Variants in KALRN observed in about 807,000 individuals in gnomAD.
The protein encoded by KALRN is kalirin.
Under a neutral mutation model 353.7 loss-of-function variants are expected in KALRN, and 70 were observed. That is an observed-to-expected ratio of 0.20 (90% CI 0.16 to 0.24). The LOEUF is 0.24. Ranked by LOEUF, KALRN falls within the 10% of genes least tolerant of loss-of-function variation. KALRN has a pLI of 1.00. For synonymous variants in KALRN, 1,391 were observed against 1,434.8 expected (o/e 0.97, Z 0.69); for missense variants, 2,791 against 3,756.7 (o/e 0.74, Z 6.72).
chr3:124,055,070 G>A (rs1170160629), intron 1 of KALRN, among the ~76,000 whole-genome samples: 1 of 152,182 alleles, frequency 6.6e-6, no homozygotes, highest in Non-Finnish European at 1.5e-5. Flanking sequence ...TCCGTGTCTG[G>A]TGTAACAGTT....
At position 124,119,581 on chromosome 3, in the gene KALRN, T is replaced by C. The variant is rs531825331; in HGVS notation, c.73+85768T>C. On this transcript the variant is annotated intron_variant, in intron 1 of 59. Transcript: ENST00000682506. ...CAGCTTCCTCAGGATCTGTCTCAGATCGCAAGGATGGGGGAGGAGGCAGGA... is the reference window on the plus strand; with the variant it reads ...CAGCTTCCTCAGGATCTGTCTCAGACCGCAAGGATGGGGGAGGAGGCAGGA... 1.1e-4 allele frequency among the ~76,000 whole-genome samples: 16 copies of C among 152,276 alleles called. No individual in the cohort carries two copies. In the South Asian group the frequency reaches 3.3e-3, roughly 32 times the overall value.
chr3:124,576,791 A>T (rs894472658), intron 34 of KALRN, among the ~76,000 whole-genome samples: 39 of 152,220 alleles, frequency 2.6e-4, no homozygotes, highest in African/African-American at 8.4e-4. Flanking sequence ...GCGTTGGCAG[A>T]ATTAAAATGC....
At chr3:124,346,236 G>A (rs2082247863) in intron 9 of KALRN, among the ~76,000 whole-genome samples, 1 of 152,116 alleles carries the variant, frequency 6.6e-6, no homozygotes, top group Admixed American at 6.5e-5. Context: ...TGCAAAATGG[G>A]TATTAAAGGC....
intron 27 of KALRN, among the ~76,000 whole-genome samples, chr3:124,481,820 A>G (rs2108227095): frequency 1.3e-5 from 2 of 152,264 alleles, no homozygotes; most frequent in South Asian, 4.1e-4. Context: ...TTGAGGCCTT[A>G]TCTCTACTAA....
At chr3:124,587,876 G>T (rs2075370326) in intron 34 of KALRN, among the ~76,000 whole-genome samples, 1 of 144,178 alleles carries the variant, frequency 6.9e-6, no homozygotes, top group Admixed American at 7.1e-5. Context: ...TTTATTTTTT[G>T]TAGAGACAAG....
chr3:124,423,657 C>G (rs2092886154), intron 15 of KALRN, among the ~76,000 whole-genome samples: 1 of 152,162 alleles, frequency 6.6e-6, no homozygotes, highest in Non-Finnish European at 1.5e-5. Context: ...AAGAGAGTCA[C>G]TTGAGGCCAG....
chr3:124,290,834 T>C (rs981161), intron 5 of KALRN, among the ~76,000 whole-genome samples: 10,503 of 152,232 alleles, frequency 0.069, 1,043 homozygotes, highest in East Asian at 0.47. Flanking sequence ...TCGTCATAAC[T>C]GTCATCATCA....
Position 124,488,217 on chromosome 3 carries a change from G to A in KALRN, c.4298G>A (p.Cys1433Tyr). Residue 1433 changes from cysteine (C) to tyrosine (Y), a missense_variant, in exon 29 of 60, where the codon TGC (cysteine) becomes TAC (tyrosine). By Grantham distance (194) the Cys-to-Tyr change is radical. This residue lies in a region of KALRN where 54 missense variants were observed against 131.7 expected (regional missense o/e 0.41). Coordinates refer to ENST00000682506, the MANE Select transcript of KALRN (RefSeq NM_001388419.1). ...YQLLLKELLT[C>Y]CEEGKGELKD... ...TTTTTTCCCCAGGAACTTTTAACTT[G>A]CTGTGAAGAAGGGAAAGGGGAGCTC... 1 of 1,612,630 alleles carries A rather than the reference G, an allele frequency of 6.2e-7. No individual in the cohort carries two copies. The highest frequency in any genetic ancestry group is 8.5e-7 in the Non-Finnish European group (1 of 1,179,088).
chr3:124,328,319 C>T (rs1414369146), intron 7 of KALRN, among the ~76,000 whole-genome samples: 2 of 152,172 alleles, frequency 1.3e-5, no homozygotes, highest in Non-Finnish European at 2.9e-5. Flanking sequence ...CACTTACATA[C>T]TTTATTCAAG....
At chr3:124,686,951 G>A (rs2061592759) in intron 51 of KALRN, among the ~76,000 whole-genome samples, 1 of 151,564 alleles carries the variant, frequency 6.6e-6, no homozygotes, top group South Asian at 2.1e-4. Flanking sequence ...GAATATCTGG[G>A]ACTACAGGCA....
intron 34 of KALRN, among the ~76,000 whole-genome samples, chr3:124,591,790 TA>T (rs2075802041): frequency 6.6e-6 from 1 of 152,218 alleles, no homozygotes; most frequent in Non-Finnish European, 1.5e-5. Context: ...GGTAACACTG[TA>T]AATGTAAGTT....
intron 5 of KALRN, among the ~76,000 whole-genome samples, chr3:124,274,760 A>AT (rs145853270): frequency 0.012 from 1,770 of 150,030 alleles, 32 homozygotes; most frequent in African/African-American, 0.039. Flanking sequence ...AGAATCTCTC[A>AT]TTTTTTTTTT....
chr3:124,611,406 A>G (rs1449687004), intron 34 of KALRN, among the ~76,000 whole-genome samples: 1 of 152,176 alleles, frequency 6.6e-6, no homozygotes, highest in Non-Finnish European at 1.5e-5. Flanking sequence ...ATGGCCTTGT[A>G]TGTGTGAGCT....
intron 34 of KALRN, among the ~76,000 whole-genome samples, chr3:124,569,857 T>C (rs2073321034): frequency 6.6e-6 from 1 of 152,154 alleles, no homozygotes; most frequent in African/African-American, 2.4e-5. Context: ...AGAGACAGAT[T>C]TTGTCCTGTG....
intron 1 of KALRN, among the ~76,000 whole-genome samples, chr3:124,178,259 T>C (rs773941095): frequency 2.6e-5 from 4 of 152,240 alleles, no homozygotes; most frequent in Admixed American, 1.3e-4. Flanking sequence ...AAACCCTACA[T>C]ATACTGTTTT....
intron 1 of KALRN, among the ~76,000 whole-genome samples, chr3:124,221,107 G>T (rs1455244853): frequency 1.3e-5 from 2 of 152,150 alleles, no homozygotes; most frequent in African/African-American, 4.8e-5. Context: ...AGACCACAGA[G>T]CCCACCCTCC....
chr3:124,622,890 C>A (rs1211040334), intron 34 of KALRN, among the ~76,000 whole-genome samples: 1 of 151,634 alleles, frequency 6.6e-6, no homozygotes, highest in African/African-American at 2.4e-5. Flanking sequence ...ATTTCAGAAT[C>A]GTTTGGCAAA....
chr3:124,284,221 A>G (rs2075619180), intron 5 of KALRN, among the ~76,000 whole-genome samples: 1 of 152,006 alleles, frequency 6.6e-6, no homozygotes, highest in Non-Finnish European at 1.5e-5. Flanking sequence ...CAGTCTAGAC[A>G]CTCACTTCGT....
At chr3:124,637,900 G>A (rs189233378) in intron 37 of KALRN, among the ~76,000 whole-genome samples, 10 of 152,214 alleles carry the variant, frequency 6.6e-5, no homozygotes, top group Non-Finnish European at 1.2e-4. Flanking sequence ...GGACCCATCA[G>A]CCCGTTGGAG....
Sources: gnomAD v4.1 joint callset for allele counts (sites outside exome capture counted in the v4.1 genomes callset) on GRCh38, gnomAD v4.1.1 for gene constraint, gnomAD v4.1.1 regional missense constraint, MANE v1.5 for transcripts, NCBI Gene and HGNC (gene_info 2026-07-23, HGNC 2026-07-21) for gene names.